Variants in CUX1 observed in about 807,000 individuals in gnomAD.
CUX1 encodes cut like homeobox 1.
Under a neutral mutation model 158.8 loss-of-function variants are expected in CUX1, and 31 were observed. The observed-to-expected ratio is 0.20, with a 90% confidence interval of 0.15 to 0.26. The LOEUF (loss-of-function observed/expected upper bound fraction) is 0.26. CUX1 is among the 10% of genes least tolerant of loss of function. CUX1 has a pLI of 1.00. For synonymous variants in CUX1, 879 were observed against 862.1 expected (o/e 1.02, Z -0.34); for missense variants, 1,589 against 2,014.6 (o/e 0.79, Z 4.04).
rs149373645 is a variant in CUX1, at chr7:102,164,131, C to CG, written c.723+5528dup. Among the ~76,000 whole-genome samples the CG allele has an allele frequency of 2.9e-3, 442 of 152,306 alleles. 3 individuals are homozygous for CG. Among genetic ancestry groups the CG allele is most frequent in the Non-Finnish European group, 4.9e-3 (331 of 68,028 alleles). ...ACTGCATGTGAAACCCCGTCCCGTC[C>CG]GGGGGCTTTCAGCAATTCACAGCCT... On this transcript the variant is annotated intron_variant, in intron 9 of 23. Coordinates refer to ENST00000292535, the MANE Select transcript of CUX1 (RefSeq NM_181552.4).
intron 15 of CUX1, among the ~76,000 whole-genome samples, chr7:102,197,696 G>A (rs1371452245): frequency 1.3e-5 from 2 of 152,126 alleles, no homozygotes; most frequent in Non-Finnish European, 2.9e-5. Context: ...CCCCATAGCA[G>A]CAACGTTGAC....
At chr7:102,189,373 G>T (rs1554516261) in intron 11 of CUX1, among the ~76,000 whole-genome samples, 1 of 125,908 alleles carries the variant, frequency 7.9e-6, no homozygotes, top group African/African-American at 3.3e-5. Flanking sequence ...TGCGGGGGGG[G>T]ATGCTTTTTT....
chr7:102,280,223 C>T, intron 19 of CUX1: 2 of 713,434 alleles, frequency 2.8e-6, no homozygotes, highest in Non-Finnish European at 4.8e-6. Context: ...CTCGGCCTTC[C>T]CTGGCTCCCC....
Position 102,227,605 on chromosome 7 carries a change from C to T in CUX1, c.3369C>T (p.Ser1123=), listed in dbSNP as rs144839021. 1.5e-3 allele frequency: 2,396 copies of T among 1,613,870 alleles called. 9 individuals are homozygous for T. Among genetic ancestry groups the T allele is most frequent in the Non-Finnish European group, 2.0e-3 (2,304 of 1,180,034 alleles). ...ALSIQELVAM[S]PELDTYGITK... Reference sequence around the variant, plus strand: ...GCATCCAAGAATTAGTAGCCATGTCCCCGGAGCTGGACACCTACGGCATAA... The same window carrying T: ...GCATCCAAGAATTAGTAGCCATGTCTCCGGAGCTGGACACCTACGGCATAA... Residue 1123 remains serine (S), a synonymous_variant, in exon 21 of 24, where the codon TCC becomes TCT. Transcript: ENST00000292535.
chr7:101,877,756 T>TTGTGTGTGTG (rs112494807), intron 1 of CUX1, among the ~76,000 whole-genome samples: 3 of 148,830 alleles, frequency 2.0e-5, no homozygotes, highest in Non-Finnish European at 4.5e-5. Context: ...ATCCCTCCAA[T>TTGTGTGTGTG]TGTGTGTGTG....
chr7:102,156,890 C>T (rs1007060243), intron 8 of CUX1, among the ~76,000 whole-genome samples: 4 of 152,174 alleles, frequency 2.6e-5, no homozygotes, highest in Admixed American at 2.6e-4. Context: ...AGAGAGAGCT[C>T]ACAGCGTGGG....
At chr7:101,966,397 A>T (rs182314109) in intron 2 of CUX1, among the ~76,000 whole-genome samples, 1 of 151,840 alleles carries the variant, frequency 6.6e-6, no homozygotes, top group East Asian at 1.9e-4. Flanking sequence ...ATTTGCAACA[A>T]TTAATACAGT....
At chr7:101,880,731 C>T (rs181937445) in intron 1 of CUX1, among the ~76,000 whole-genome samples, 27 of 152,246 alleles carry the variant, frequency 1.8e-4, no homozygotes, top group African/African-American at 2.6e-4. Context: ...TTTGGTGTCA[C>T]GTGACAGGAA....
rs1801712804 is a variant in CUX1 at position 102,253,262 on chromosome 7, G to A, written c.*4220G>A. 2 of 985,610 alleles carry A rather than the reference G, an allele frequency of 2.0e-6. No individual in the cohort carries two copies. The highest frequency in any genetic ancestry group is 2.4e-6 in the Non-Finnish European group (2 of 830,058). 61.1% of individuals were successfully genotyped at this position (985,610 alleles called of 1,614,324 possible). A position where few individuals can be genotyped will look rare whatever the true frequency, so the allele number is the denominator to read the frequency against. On this transcript the variant is annotated 3_prime_UTR_variant, in exon 24 of 24. Coordinates refer to ENST00000292535, the MANE Select transcript of CUX1 (RefSeq NM_181552.4). ...TTCTGGCCACCGCCCAAGCCCAGGTGGCCAGCTCTCATACCCCATCTCCCT... is the reference window on the plus strand; with the variant it reads ...TTCTGGCCACCGCCCAAGCCCAGGTAGCCAGCTCTCATACCCCATCTCCCT...
chr7:102,117,987 AT>A (rs1452049196), intron 8 of CUX1, among the ~76,000 whole-genome samples: 2 of 152,172 alleles, frequency 1.3e-5, no homozygotes, highest in Admixed American at 6.5e-5. Context: ...GCCTGAGAGA[AT>A]TGGATCTTGG....
intron 1 of CUX1, among the ~76,000 whole-genome samples, chr7:101,870,382 G>A (rs888710955): frequency 1.3e-5 from 2 of 151,922 alleles, no homozygotes; most frequent in Non-Finnish European, 2.9e-5. Flanking sequence ...ATGTTGCTCA[G>A]TCTGGTTTCG....
chr7:101,898,585 C>CTTTTTTTTT (rs67714464), intron 1 of CUX1, among the ~76,000 whole-genome samples: 2 of 115,454 alleles, frequency 1.7e-5, no homozygotes, highest in African/African-American at 6.6e-5. Context: ...ATTTCTGTGT[C>CTTTTTTTTT]TTTTTTTTTT....
chr7:102,082,219 C>A lies in CUX1; in HGVS notation c.268+11802C>A, dbSNP rs1028413976. Among the ~76,000 whole-genome samples the A allele has an allele frequency of 2.0e-5, 3 of 146,722 alleles. 1 individual carries two copies. The highest frequency in any genetic ancestry group is 3.1e-5 in the Non-Finnish European group (2 of 64,946). ...CTCCAAACTACTTTTGCTTATGCAC[C>A]CCAAGAGTAAAAAAGTTTGAATTGG... is the stretch of plus-strand genomic sequence containing the variant. On this transcript the variant is annotated intron_variant, in intron 4 of 23. Transcript: ENST00000292535.
intron 21 of CUX1, 99 bp downstream of exon 21, chr7:102,227,768 C>A: frequency 4.0e-6 from 5 of 1,246,358 alleles, no homozygotes; most frequent in African/African-American, 1.5e-5. Flanking sequence ...CACAGAGTCT[C>A]AACTTGTGTA....
Position 102,274,403 on chromosome 7 carries a change from C to T in CUX1, c.1450+93C>T, listed in dbSNP as rs1586521502. 7.8e-6 allele frequency: 9 copies of T among 1,147,040 alleles called. No individual in the cohort carries two copies. In the East Asian group the frequency reaches 2.2e-4, roughly 28 times the overall value. The allele number at this position is 1,147,040 out of a possible 1,614,324, so 71.1% of individuals were successfully genotyped here. On this transcript the variant is annotated intron_variant, in intron 16 of 22. Coordinates refer to the CUX1 transcript ENST00000292538. The stretch of plus-strand genomic sequence containing the variant: ...GAACACAGATCCCCAAAGAGTAGTC[C>T]CTTCCTCTAAGAAGGTCAGGCCCCC...
At chr7:101,876,177 C>T (rs1192888422) in intron 1 of CUX1, among the ~76,000 whole-genome samples, 1 of 151,884 alleles carries the variant, frequency 6.6e-6, no homozygotes, top group East Asian at 1.9e-4. Context: ...GAAACCCCAT[C>T]TCTACTAAAA....
chr7:102,167,451 C>G (rs999261541), intron 9 of CUX1, among the ~76,000 whole-genome samples: 1 of 152,118 alleles, frequency 6.6e-6, no homozygotes, highest in African/African-American at 2.4e-5. Context: ...ACCAGATGCC[C>G]GGGACTTCCC....
At chr7:101,867,789 A>G (rs907499654) in intron 1 of CUX1, among the ~76,000 whole-genome samples, 5 of 152,158 alleles carry the variant, frequency 3.3e-5, no homozygotes, top group African/African-American at 1.2e-4. Flanking sequence ...ACCACGGAAA[A>G]TCAAATCAAC....
chr7:101,921,997 A>C (rs546323369), intron 2 of CUX1, among the ~76,000 whole-genome samples: 4 of 152,202 alleles, frequency 2.6e-5, no homozygotes, highest in Non-Finnish European at 5.9e-5. Flanking sequence ...GTACACTTGT[A>C]GTCCCAGCTA....
Sources: gnomAD v4.1 joint callset for allele counts (sites outside exome capture counted in the v4.1 genomes callset) on GRCh38, gnomAD v4.1.1 for gene constraint, MANE v1.5 for transcripts, NCBI Gene and HGNC (gene_info 2026-07-23, HGNC 2026-07-21) for gene names.